Variants in FTO observed in about 807,000 individuals in gnomAD.
FTO encodes alpha-ketoglutarate-dependent dioxygenase FTO.
A neutral mutation model predicts 63.9 loss-of-function variants in FTO; 47 were observed. That is an observed-to-expected ratio of 0.74 (90% confidence interval 0.58 to 0.94). The LOEUF (loss-of-function observed/expected upper bound fraction) is 0.94. Among genes scored for constraint, FTO ranks in the 40% least tolerant of loss-of-function variants. FTO has a pLI of 0.00. For synonymous variants in FTO, 207 were observed against 224.4 expected, an observed-to-expected ratio of 0.92 and a Z score of 0.69; for missense variants, 562 against 618.1, an observed-to-expected ratio of 0.91 and a Z score of 0.96.
At chr16:53,977,485 C>T (rs2083456656) in intron 8 of FTO, among the ~76,000 whole-genome samples, 1 of 152,190 alleles carries the variant, frequency 6.6e-6, no homozygotes, top group Admixed American at 6.5e-5. Context: ...TCATTCCTAA[C>T]ATTTCTGTGA....
intron 7 of FTO, among the ~76,000 whole-genome samples, chr16:53,927,340 T>C (rs1242552525): frequency 2.0e-5 from 3 of 152,128 alleles, no homozygotes; most frequent in African/African-American, 7.2e-5. Flanking sequence ...GGTTATTGCA[T>C]TGATAGTAGT....
At chr16:53,931,889 C>A (rs911171908) in intron 7 of FTO, among the ~76,000 whole-genome samples, 2 of 151,634 alleles carry the variant, frequency 1.3e-5, no homozygotes, top group Admixed American at 1.3e-4. Flanking sequence ...CACACACACA[C>A]ACACACACAC....
At chr16:53,704,290 G>A (rs1484860926) in intron 1 of FTO, 61 bp downstream of exon 1, 1 of 1,507,048 alleles carries the variant, frequency 6.6e-7, no homozygotes, top group African/African-American at 1.4e-5. Flanking sequence ...TCAGGGAACC[G>A]GAAGGGCTTG....
chr16:53,928,875 G>T (rs2082212689), intron 7 of FTO, among the ~76,000 whole-genome samples: 1 of 151,846 alleles, frequency 6.6e-6, no homozygotes. Flanking sequence ...AATGGAGTCT[G>T]CTCTGTTGCC....
intron 4 of FTO, among the ~76,000 whole-genome samples, chr16:53,868,174 A>G (rs1041497647): frequency 6.6e-6 from 1 of 152,096 alleles, no homozygotes; most frequent in South Asian, 2.1e-4. Context: ...TATTTAGACC[A>G]TGGGCATTTA....
At chr16:53,829,152 A>C (rs1193303018) in intron 3 of FTO, among the ~76,000 whole-genome samples, 1 of 152,166 alleles carries the variant, frequency 6.6e-6, no homozygotes, top group Non-Finnish European at 1.5e-5. Context: ...GGTCTCCCAA[A>C]GTGCTGAGAT....
intron 7 of FTO, among the ~76,000 whole-genome samples, chr16:53,922,104 G>T (rs2082020367): frequency 6.6e-6 from 1 of 152,118 alleles, no homozygotes; most frequent in South Asian, 2.1e-4. Context: ...TATCGATGAT[G>T]GTCAACAACA....
chr16:53,936,079 A>G (rs563924075), intron 8 of FTO, among the ~76,000 whole-genome samples: 1 of 152,340 alleles, frequency 6.6e-6, no homozygotes, highest in South Asian at 2.1e-4. Flanking sequence ...ATTAGACAAC[A>G]TGGTCAAAGT....
intron 1 of FTO, among the ~76,000 whole-genome samples, chr16:53,739,904 A>G (rs1375758621): frequency 6.6e-6 from 1 of 152,234 alleles, no homozygotes; most frequent in Non-Finnish European, 1.5e-5. Context: ...TAAAAAATAG[A>G]AGCAGTATAA....
At chr16:53,869,620 G>A (rs904383324) in intron 4 of FTO, among the ~76,000 whole-genome samples, 2 of 148,848 alleles carry the variant, frequency 1.3e-5, no homozygotes, top group African/African-American at 5.0e-5. Context: ...CATGCTCAGA[G>A]ATCTTTCATC....
At chr16:53,972,151 G>A (rs184496476) in intron 8 of FTO, among the ~76,000 whole-genome samples, 1 of 152,096 alleles carries the variant, frequency 6.6e-6, no homozygotes, top group East Asian at 1.9e-4. Flanking sequence ...TATTTATCCT[G>A]TGCTGAAATG....
chr16:53,987,845 G>A (rs1478180417), intron 8 of FTO, among the ~76,000 whole-genome samples: 1 of 152,164 alleles, frequency 6.6e-6, no homozygotes, highest in Non-Finnish European at 1.5e-5. Context: ...TAGACATGTT[G>A]TGAGGCTCAA....
At chr16:53,883,805 C>A (rs960153438) in intron 6 of FTO, among the ~76,000 whole-genome samples, 2 of 151,998 alleles carry the variant, frequency 1.3e-5, no homozygotes, top group African/African-American at 4.8e-5. Context: ...TCTTCACCAT[C>A]CCCCCAATCT....
chr16:53,782,903 C>A (rs962028997), intron 1 of FTO, among the ~76,000 whole-genome samples: 2 of 152,216 alleles, frequency 1.3e-5, no homozygotes, highest in African/African-American at 4.8e-5. Context: ...TCTTGTCTGT[C>A]TTAGTCACAC....
intron 1 of FTO, among the ~76,000 whole-genome samples, chr16:53,786,907 C>T (rs1407357267): frequency 1.3e-5 from 2 of 151,504 alleles, no homozygotes; most frequent in Admixed American, 6.6e-5. Flanking sequence ...GTCAATAGAT[C>T]GAAACTATCC....
intron 7 of FTO, among the ~76,000 whole-genome samples, chr16:53,920,763 T>C (rs1431312831): frequency 6.6e-6 from 1 of 152,096 alleles, no homozygotes; most frequent in Admixed American, 6.5e-5. Flanking sequence ...AGTGAGATAA[T>C]GTTGATGGAA....
intron 6 of FTO, among the ~76,000 whole-genome samples, chr16:53,885,277 C>G (rs148690054): frequency 6.6e-6 from 1 of 152,234 alleles, no homozygotes; most frequent in Non-Finnish European, 1.5e-5. Flanking sequence ...AGGAGAGAGT[C>G]AGCTACTTCT....
intron 4 of FTO, among the ~76,000 whole-genome samples, chr16:53,858,166 G>A (rs1225398346): frequency 6.6e-6 from 1 of 151,990 alleles, no homozygotes; most frequent in Non-Finnish European, 1.5e-5. Flanking sequence ...TCTACAATGA[G>A]CATGTACCCT....
rs759840807 is a variant in FTO, at chr16:54,111,730, C to T, written c.1365-32C>T. ...TTGGGGTCTTCTGGGGGTTTCCTCCCGTGGATTAATTTCCTATTTTTACTC... is the reference window on the plus strand; with the variant it reads ...TTGGGGTCTTCTGGGGGTTTCCTCCTGTGGATTAATTTCCTATTTTTACTC... On this transcript the variant is annotated intron_variant, in intron 8 of 8. Coordinates refer to ENST00000471389, the MANE Select transcript of FTO (RefSeq NM_001080432.3). The T allele has an allele frequency of 1.7e-5, 28 of 1,613,564 alleles. 1 individual carries two copies. Among genetic ancestry groups the T allele is most frequent in the South Asian group, 2.2e-5 (2 of 91,078 alleles).
Sources: gnomAD v4.1 joint callset for allele counts (sites outside exome capture counted in the v4.1 genomes callset) on GRCh38, gnomAD v4.1.1 for gene constraint, MANE v1.5 for transcripts, NCBI Gene and HGNC (gene_info 2026-07-23, HGNC 2026-07-21) for gene names.